Variants in SRGAP3 observed in about 807,000 individuals in gnomAD.
SRGAP3 encodes the protein SLIT-ROBO Rho GTPase-activating protein 3.
In SRGAP3, 39 loss-of-function variants were observed where a neutral mutation model predicts 121.1. The ratio of observed to expected loss-of-function variants is 0.32; its 90% CI spans 0.25 to 0.42. The LOEUF (loss-of-function observed/expected upper bound fraction) is 0.42. Among genes scored for constraint, SRGAP3 ranks in the 10% least tolerant of loss-of-function variants. SRGAP3 has a pLI of 1.00. For missense variants in SRGAP3, 1,213 were observed against 1,470.6 expected, an observed-to-expected ratio of 0.82 and a Z score of 2.86; for synonymous variants, 601 against 570.0, an observed-to-expected ratio of 1.05 and a Z score of -0.77.
At chr3:9,111,534 G>A (rs529104132) in intron 2 of SRGAP3, among the ~76,000 whole-genome samples, 1 of 152,284 alleles carries the variant, frequency 6.6e-6, no homozygotes, top group East Asian at 1.9e-4. Flanking sequence ...TGAGGCTGGA[G>A]GGGCCTGCAG....
intron 1 of SRGAP3, among the ~76,000 whole-genome samples, chr3:9,171,108 C>G (rs983033116): frequency 6.6e-6 from 1 of 152,202 alleles, no homozygotes; most frequent in African/African-American, 2.4e-5. Flanking sequence ...AAGAGAAACC[C>G]AAGAACCCCT....
intron 5 of SRGAP3, 144 bp from the exon 6 acceptor site, chr3:9,060,503 T>C: frequency 8.7e-7 from 1 of 1,146,772 alleles, no homozygotes; most frequent in Non-Finnish European, 1.2e-6. Context: ...CATAGCTCAC[T>C]TCAGCCTTAA....
At chr3:9,316,071 C>T (rs1047593770) in intron 3 of SRGAP3, among the ~76,000 whole-genome samples, 4 of 151,986 alleles carry the variant, frequency 2.6e-5, no homozygotes, top group Admixed American at 6.6e-5. Context: ...TTTTTTGAGA[C>T]AGAGTGTCCC....
At chr3:9,214,143 T>TGCACACACACACACACACACACAC (rs1491028607) in intron 1 of SRGAP3, among the ~76,000 whole-genome samples, 1 of 148,874 alleles carries the variant, frequency 6.7e-6, no homozygotes, top group Non-Finnish European at 1.5e-5. Flanking sequence ...CACACACACA[T>TGCACACACACACACACACACACAC]GCACACACAC....
chr3:9,111,342 A>C (rs1429634507), intron 2 of SRGAP3, among the ~76,000 whole-genome samples: 1 of 151,290 alleles, frequency 6.6e-6, no homozygotes, highest in Non-Finnish European at 1.5e-5. Flanking sequence ...GCTCCAAAGG[A>C]AGAGTTGGAG....
intron 3 of SRGAP3, among the ~76,000 whole-genome samples, chr3:9,296,101 T>C (rs769814991): frequency 6.6e-6 from 1 of 152,238 alleles, no homozygotes; most frequent in South Asian, 2.1e-4. Flanking sequence ...GCTATGAACA[T>C]TAGTATCTAA....
chr3:9,255,794 G>A (rs1954119329), intron 3 of SRGAP3, among the ~76,000 whole-genome samples: 1 of 152,040 alleles, frequency 6.6e-6, no homozygotes, highest in South Asian at 2.1e-4. Context: ...GGAAGATGGA[G>A]TAATAGCTTG....
chr3:9,157,732 C>G (rs2125068963), intron 1 of SRGAP3, among the ~76,000 whole-genome samples: 1 of 152,246 alleles, frequency 6.6e-6, no homozygotes, highest in South Asian at 2.1e-4. Context: ...AAAGAGAATC[C>G]TAAGAGGAAA....
At chr3:9,350,226 T>C (rs954978645) in intron 1 of SRGAP3, among the ~76,000 whole-genome samples, 1 of 152,212 alleles carries the variant, frequency 6.6e-6, no homozygotes, top group Non-Finnish European at 1.5e-5. Context: ...CTGCACACCT[T>C]GTGTGTGCCA....
rs1461094657 is a variant in SRGAP3 at position 9,096,970 on chromosome 3, TATATATATATAC to T, written c.423+7698_423+7709del. On this transcript the variant is annotated intron_variant, in intron 3 of 21. Transcript: ENST00000383836. ...ATATATATATATATATATATATATA[TATATATATATAC>T]ACATACACACACATATATATATATT... Among the ~76,000 whole-genome samples the T allele has an allele frequency of 7.0e-4, 70 of 99,358 alleles. 2 individuals carry two copies. The highest frequency in any genetic ancestry group is 4.9e-3 in the South Asian group (18 of 3,678). 65.2% of individuals were successfully genotyped at this position (99,358 alleles called of 152,430 possible). A position where few individuals can be genotyped will look rare whatever the true frequency, so the allele number is the denominator to read the frequency against.
chr3:9,086,850 T>C (rs1237234552), intron 3 of SRGAP3, among the ~76,000 whole-genome samples: 1 of 148,568 alleles, frequency 6.7e-6, no homozygotes, highest in Non-Finnish European at 1.5e-5. Context: ...GTATACATAC[T>C]ATACACATAT....
chr3:9,071,978 C>A (rs1447140687), intron 4 of SRGAP3, among the ~76,000 whole-genome samples: 1 of 152,192 alleles, frequency 6.6e-6, no homozygotes, highest in Non-Finnish European at 1.5e-5. Flanking sequence ...TAGACCTGAG[C>A]TACATGTTCA....
intron 1 of SRGAP3, among the ~76,000 whole-genome samples, chr3:9,220,223 C>T (rs568501204): frequency 1.2e-4 from 18 of 152,232 alleles, no homozygotes; most frequent in South Asian, 6.2e-4. Context: ...AAAAGTTTGA[C>T]GTCATAGGAA....
intron 3 of SRGAP3, among the ~76,000 whole-genome samples, chr3:9,268,412 C>A (rs1276631776): frequency 6.6e-6 from 1 of 151,980 alleles, no homozygotes; most frequent in Admixed American, 6.6e-5. Context: ...GAAGAGACAG[C>A]CTTCACCAGA....
intron 18 of SRGAP3, among the ~76,000 whole-genome samples, chr3:9,009,246 C>A (rs1943237730): frequency 6.6e-6 from 1 of 152,112 alleles, no homozygotes; most frequent in African/African-American, 2.4e-5. Context: ...GAATGCCTGC[C>A]CTGCTCTCCT....
chr3:9,196,989 C>T (rs778292892), intron 1 of SRGAP3, among the ~76,000 whole-genome samples: 15 of 152,224 alleles, frequency 9.9e-5, no homozygotes, highest in Non-Finnish European at 1.9e-4. Context: ...ACACACCTCT[C>T]CAAAGTTTTC....
intron 3 of SRGAP3, among the ~76,000 whole-genome samples, chr3:9,304,102 C>G (rs1168736765): frequency 2.0e-5 from 3 of 152,176 alleles, no homozygotes; most frequent in Non-Finnish European, 4.4e-5. Flanking sequence ...GCCTGTGGTA[C>G]GGGACCCCAT....
intron 18 of SRGAP3, among the ~76,000 whole-genome samples, chr3:9,010,017 C>G (rs1338759332): frequency 6.6e-6 from 1 of 152,144 alleles, no homozygotes; most frequent in Non-Finnish European, 1.5e-5. Context: ...ACTCATGTCT[C>G]TTAGGATTTG....
At chr3:9,164,462 G>A (rs185149224) in intron 1 of SRGAP3, among the ~76,000 whole-genome samples, 1 of 151,884 alleles carries the variant, frequency 6.6e-6, no homozygotes, top group East Asian at 1.9e-4. Flanking sequence ...GCTAATTTTT[G>A]TACTTTTGGG....
Sources: allele counts gnomAD v4.1 joint callset (sites outside exome capture counted in the v4.1 genomes callset), GRCh38; gene constraint gnomAD v4.1.1; transcripts MANE v1.5; gene names NCBI Gene and HGNC (gene_info 2026-07-23, HGNC 2026-07-21).